Variants in IL20RB observed in about 807,000 individuals in gnomAD.
IL20RB encodes the protein interleukin 20 receptor subunit beta.
In IL20RB, 21 loss-of-function variants were observed where a neutral mutation model predicts 33.3. That is an observed-to-expected ratio of 0.63 (90% CI 0.45 to 0.91). The LOEUF (loss-of-function observed/expected upper bound fraction) is 0.91. IL20RB is among the 40% of genes least tolerant of loss of function. IL20RB has a pLI of 0.00. For missense variants in IL20RB, 345 were observed against 384.8 expected, an observed-to-expected ratio of 0.90 and a Z score of 0.86; for synonymous variants, 147 against 146.8, an observed-to-expected ratio of 1.00 and a Z score of -0.01.
intron 1 of IL20RB, 88 bp from the exon 2 acceptor site, chr3:136,980,378 G>A (rs1467675238): frequency 6.5e-7 from 1 of 1,530,806 alleles, no homozygotes; most frequent in Admixed American, 1.7e-5. Context: ...CTCCGCCAGT[G>A]AGGCCCTTCA....
In IL20RB at chr3:136,980,610, A is replaced by T. The variant is rs1203771322; in HGVS notation, c.215+18A>T. 7 of 1,613,852 alleles carry T rather than the reference A, an allele frequency of 4.3e-6. No homozygotes were observed. The highest frequency in any genetic ancestry group is 5.9e-6 in the Non-Finnish European group (7 of 1,179,936). ...TACCAGGGGTGAGTTTTTTCTTTTA[A>T]TAGTTCTTCTCCCTTAAGCAGAAGT... On this transcript the variant is annotated intron_variant, in intron 2 of 6. Transcript: ENST00000329582.
chr3:136,975,229 C>A (rs536343304), intron 1 of IL20RB, among the ~76,000 whole-genome samples: 1 of 152,232 alleles, frequency 6.6e-6, no homozygotes, highest in East Asian at 1.9e-4. Context: ...TCTGGTATAA[C>A]AGTTTCTTCT....
chr3:136,971,312 G>A (rs1941478084), intron 1 of IL20RB, among the ~76,000 whole-genome samples: 1 of 152,074 alleles, frequency 6.6e-6, no homozygotes, highest in Non-Finnish European at 1.5e-5. Flanking sequence ...TGTATTTTTA[G>A]TAGAGATGGG....
At chr3:136,995,690 T>C in intron 6 of IL20RB, 134 bp downstream of exon 6, 1 of 815,892 alleles carries the variant, frequency 1.2e-6, no homozygotes, top group Non-Finnish European at 1.9e-6. Context: ...GGGAGAGGAA[T>C]ACTTATAAAA....
intron 1 of IL20RB, among the ~76,000 whole-genome samples, chr3:136,974,994 C>T (rs1941580867): frequency 6.6e-6 from 1 of 152,090 alleles, no homozygotes; most frequent in Admixed American, 6.5e-5. Flanking sequence ...GGAAATTTCT[C>T]ATTTATATTC....
intron 3 of IL20RB, among the ~76,000 whole-genome samples, chr3:136,988,093 G>A (rs1158768066): frequency 6.6e-6 from 1 of 152,238 alleles, no homozygotes. Flanking sequence ...AGCCCAGGCA[G>A]AGGACGCGCC....
intron 1 of IL20RB, among the ~76,000 whole-genome samples, chr3:136,970,244 C>G (rs1315244860): frequency 1.3e-5 from 2 of 151,920 alleles, no homozygotes; most frequent in African/African-American, 4.8e-5. Flanking sequence ...TTAGCTGAGA[C>G]CACCACCCCT....
chr3:136,986,962 C>CCTGGTGGGCTCGTGGTCT (rs1941916261), intron 3 of IL20RB, among the ~76,000 whole-genome samples: 3 of 151,484 alleles, frequency 2.0e-5, no homozygotes, highest in African/African-American at 7.3e-5. Context: ...TTGTTCGTTC[C>CCTGGTGGGCTCGTGGTCT]TCCTGGTGGG....
At chr3:136,986,519 AGTG>A (rs1941902550) in intron 3 of IL20RB, among the ~76,000 whole-genome samples, 1 of 152,196 alleles carries the variant, frequency 6.6e-6, no homozygotes, top group Non-Finnish European at 1.5e-5. Context: ...AGGTAGTGCT[AGTG>A]GTGCTATGTG....
Position 136,989,425 on chromosome 3 carries a change from G to A in IL20RB, c.407-16G>A. 2 of 1,613,196 alleles carry A rather than the reference G, an allele frequency of 1.2e-6. No homozygotes were observed. The highest frequency in any genetic ancestry group is 1.7e-6 in the Non-Finnish European group (2 of 1,179,484). On this transcript the variant is annotated splice_polypyrimidine_tract_variant and intron_variant, in intron 3 of 6. Coordinates refer to ENST00000329582, the MANE Select transcript of IL20RB (RefSeq NM_144717.4). ...GTCTGGGGCTGGCTTTGACTCTCCT[G>A]TTGTCTTGCCAACAGCCATCCTTAC...
intron 1 of IL20RB, among the ~76,000 whole-genome samples, chr3:136,973,975 A>G (rs1941554561): frequency 6.6e-6 from 1 of 152,118 alleles, no homozygotes; most frequent in Admixed American, 6.6e-5. Context: ...AATTTCGTGT[A>G]AGCAGCATAT....
intron 2 of IL20RB, 174 bp from the exon 3 acceptor site, chr3:136,981,986 G>T: frequency 2.3e-6 from 1 of 436,054 alleles, no homozygotes; most frequent in Non-Finnish European, 4.1e-6. Context: ...GCAATAAAAG[G>T]AGTAAGGGAC....
chr3:136,963,249 A>C (rs1223845805), intron 1 of IL20RB, among the ~76,000 whole-genome samples: 1 of 152,168 alleles, frequency 6.6e-6, no homozygotes, highest in East Asian at 1.9e-4. Flanking sequence ...CTTGACTGTG[A>C]ATATTTGTGT....
chr3:136,962,747 T>A (rs1941256044), intron 1 of IL20RB, among the ~76,000 whole-genome samples: 1 of 133,586 alleles, frequency 7.5e-6, no homozygotes, highest in Admixed American at 8.0e-5. Context: ...CAAGACTCCA[T>A]CTCAAAAAAA....
chr3:136,987,974 A>G (rs1398928986), intron 3 of IL20RB, among the ~76,000 whole-genome samples: 1 of 151,964 alleles, frequency 6.6e-6, no homozygotes, highest in Non-Finnish European at 1.5e-5. Context: ...CTCTCCCTCC[A>G]CACCTCCCTG....
At position 136,984,536 on chromosome 3, in the gene IL20RB, A is replaced by G. The variant is rs1941856380; in HGVS notation, c.406+2186A>G. On this transcript the variant is annotated intron_variant, in intron 3 of 6. Transcript: ENST00000329582. ...TTCTGTTGTGAAAGATGGTGGAAGAAGGTTTGGGGCAGAATTTGCAGCATT... is the reference window on the plus strand; with the variant it reads ...TTCTGTTGTGAAAGATGGTGGAAGAGGGTTTGGGGCAGAATTTGCAGCATT... 3.3e-5 allele frequency among the ~76,000 whole-genome samples: 5 copies of G among 151,904 alleles called. No homozygotes were observed. In the South Asian group the frequency reaches 1.0e-3, roughly 32 times the overall value.
rs761205751 is a variant in IL20RB at position 136,989,438 on chromosome 3, C to T, written c.407-3C>T. On this transcript the variant is annotated splice_polypyrimidine_tract_variant and splice_region_variant and intron_variant, in intron 3 of 6. Transcript: ENST00000329582. ...TTTGACTCTCCTGTTGTCTTGCCAA[C>T]AGCCATCCTTACCCGACCTGGGATG... The T allele has an allele frequency of 6.2e-7, 1 of 1,613,570 alleles. No homozygotes were observed. Among genetic ancestry groups the T allele is most frequent in the Non-Finnish European group, 8.5e-7 (1 of 1,179,666 alleles).
chr3:136,980,668 C>A, intron 2 of IL20RB, 76 bp downstream of exon 2: 1 of 1,539,672 alleles, frequency 6.5e-7, no homozygotes, highest in Non-Finnish European at 8.9e-7. Flanking sequence ...TCCTCCTGAG[C>A]CCAAGGTGGC....
chr3:136,983,480 G>A (rs1419894190), intron 3 of IL20RB, among the ~76,000 whole-genome samples: 2 of 152,210 alleles, frequency 1.3e-5, no homozygotes, highest in East Asian at 3.9e-4. Context: ...AGAGTGAGGA[G>A]GGGGTTGTAA....
Sources: allele counts gnomAD v4.1 joint callset (sites outside exome capture counted in the v4.1 genomes callset), GRCh38; gene constraint gnomAD v4.1.1; transcripts MANE v1.5; gene names NCBI Gene and HGNC (gene_info 2026-07-23, HGNC 2026-07-21).